The following CNOT2 variants were observed in gnomAD, a reference collection of about 807,000 sequenced individuals.
The protein encoded by CNOT2 is CCR4-NOT transcription complex subunit 2, also known as CC chemokine receptor 4-negative regulator of transcription 2.
A neutral mutation model predicts 72.1 loss-of-function variants in CNOT2; 7 were observed. That is an observed-to-expected ratio of 0.10 (90% CI 0.06 to 0.18). The LOEUF (loss-of-function observed/expected upper bound fraction) is 0.18. CNOT2 is among the 10% of genes least tolerant of loss of function. The pLI, the probability that CNOT2 is intolerant of heterozygous loss-of-function variation, is 1.00. For missense variants in CNOT2, 345 were observed against 660.3 expected (o/e 0.52, Z 5.23); for synonymous variants, 196 against 225.6 (o/e 0.87, Z 1.17).
intron 2 of CNOT2, chr12:70,294,375 A>G: frequency 1.1e-6 from 1 of 886,064 alleles, no homozygotes; most frequent in Non-Finnish European, 1.6e-6. Flanking sequence ...CCATTTTATC[A>G]ATGAGTCATT....
intron 1 of CNOT2, among the ~76,000 whole-genome samples, chr12:70,256,209 A>G (rs1263135355): frequency 6.6e-6 from 1 of 152,180 alleles, no homozygotes; most frequent in Non-Finnish European, 1.5e-5. Flanking sequence ...AAATATCAAG[A>G]CAAGGCAAAG....
intron 15 of CNOT2, among the ~76,000 whole-genome samples, chr12:70,348,204 A>G (rs954068809): frequency 1.3e-5 from 2 of 152,204 alleles, no homozygotes; most frequent in Non-Finnish European, 2.9e-5. Flanking sequence ...CATCGTTATT[A>G]TAGCTACTGT....
chr12:70,291,719 C>T (rs753913829), intron 2 of CNOT2, among the ~76,000 whole-genome samples: 1 of 152,186 alleles, frequency 6.6e-6, no homozygotes, highest in Non-Finnish European at 1.5e-5. Context: ...GGGCAGATCA[C>T]CAGGTCAGGA....
chr12:70,311,758 CTTT>C (rs527551639), intron 3 of CNOT2, among the ~76,000 whole-genome samples: 1 of 151,914 alleles, frequency 6.6e-6, no homozygotes, highest in Non-Finnish European at 1.5e-5. Context: ...ACCTGCCCAG[CTTT>C]TTTTACCTTT....
At chr12:70,328,841 T>C in intron 4 of CNOT2, among the ~76,000 whole-genome samples, 1 of 152,028 alleles carries the variant, frequency 6.6e-6, no homozygotes, top group South Asian at 2.1e-4. Flanking sequence ...TTGTCTTTTA[T>C]AGCTATATCA....
rs1881869798 is a variant in CNOT2 at position 70,344,205 on chromosome 12, A to G, written c.1368A>G (p.Leu456=). 6.2e-7 allele frequency: 1 copy of G among 1,611,426 alleles called. No homozygotes were observed. The highest frequency in any genetic ancestry group is 8.5e-7 in the Non-Finnish European group (1 of 1,177,700). The change falls in exon 14 of 16, where the codon TTA becomes TTG. Residue 456 remains leucine (L), a synonymous_variant. Transcript: ENST00000229195. The part of the protein sequence containing the change: ...YLYYMNGGDV[L]QLLAAVELFN... ...ATTACATGAATGGAGGAGACGTATTACAACTTTTAGCTGCAGTGGAGCTGT... is the reference window on the plus strand; with the variant it reads ...ATTACATGAATGGAGGAGACGTATTGCAACTTTTAGCTGCAGTGGAGCTGT...
intron 1 of CNOT2, among the ~76,000 whole-genome samples, chr12:70,266,584 G>A (rs1314115875): frequency 6.6e-6 from 1 of 152,102 alleles, no homozygotes; most frequent in Admixed American, 6.5e-5. Flanking sequence ...TCTCCTTTCA[G>A]GCTTATTAGT....
At chr12:70,243,601 C>T (rs1957678916) in intron 1 of CNOT2, 121 bp downstream of exon 1, 2 of 151,846 alleles carry the variant, frequency 1.3e-5, no homozygotes, top group Admixed American at 1.3e-4. Context: ...CCAGGGTCCG[C>T]CGGTAGCGTC....
chr12:70,248,431 T>G (rs1957988812), intron 1 of CNOT2, among the ~76,000 whole-genome samples: 1 of 152,158 alleles, frequency 6.6e-6, no homozygotes, highest in African/African-American at 2.4e-5. Context: ...GTGAATTTGA[T>G]TATTATTATC....
chr12:70,282,263 G>A (rs912698998), intron 2 of CNOT2, among the ~76,000 whole-genome samples: 10 of 152,190 alleles, frequency 6.6e-5, no homozygotes, highest in African/African-American at 2.4e-4. Flanking sequence ...TGAGGTCATT[G>A]GTCACATCAT....
At chr12:70,315,770 CTTG>C (rs1393406639) in intron 3 of CNOT2, among the ~76,000 whole-genome samples, 5 of 152,228 alleles carry the variant, frequency 3.3e-5, no homozygotes, top group African/African-American at 1.2e-4. Flanking sequence ...TGTGCTGTAA[CTTG>C]TTGTTTTCAG....
At chr12:70,346,608 A>T (rs1298685264) in intron 15 of CNOT2, 2 of 231,600 alleles carry the variant, frequency 8.6e-6, no homozygotes. Context: ...TAAAATAAAG[A>T]TACTCTCTTG....
chr12:70,307,197 A>T (rs1018578096), intron 2 of CNOT2, among the ~76,000 whole-genome samples: 1 of 152,070 alleles, frequency 6.6e-6, no homozygotes, highest in East Asian at 1.9e-4. Flanking sequence ...TTATTTAAAA[A>T]TTTTCATTCT....
In CNOT2 at chr12:70,344,119, CT is replaced by C; in HGVS notation, c.1291-4del. On this transcript the variant is annotated splice_polypyrimidine_tract_variant and splice_region_variant and intron_variant, in intron 13 of 15. Coordinates refer to ENST00000229195, the MANE Select transcript of CNOT2 (RefSeq NM_014515.7). ...TTATATTTCAGAATAAGTTATTTTTCTTTTTCAGCTGGCTGCAATAAAACTT... is the reference window on the plus strand; with the variant it reads ...TTATATTTCAGAATAAGTTATTTTTCTTTTCAGCTGGCTGCAATAAAACTT... The C allele has an allele frequency of 6.3e-7, 1 of 1,577,856 alleles. No homozygotes were observed. Among genetic ancestry groups the C allele is most frequent in the Non-Finnish European group, 8.6e-7 (1 of 1,158,134 alleles).
At chr12:70,341,913 G>A (rs1487610296) in intron 11 of CNOT2, 194 bp from the exon 12 acceptor site, 1 of 607,662 alleles carries the variant, frequency 1.6e-6, no homozygotes, top group Non-Finnish European at 2.9e-6. Flanking sequence ...GAGGGAAGGA[G>A]TCCTATCATA....
intron 2 of CNOT2, among the ~76,000 whole-genome samples, chr12:70,302,622 T>A (rs1393707836): frequency 2.6e-5 from 4 of 152,148 alleles, no homozygotes; most frequent in African/African-American, 4.8e-5. Context: ...TGCTGAGGAG[T>A]GCTTTACTTC....
chr12:70,248,172 C>T (rs1593017311), intron 1 of CNOT2, among the ~76,000 whole-genome samples: 1 of 152,138 alleles, frequency 6.6e-6, no homozygotes, highest in East Asian at 1.9e-4. Context: ...AGTACTTACC[C>T]ATGAGCTCAT....
chr12:70,270,899 G>A (rs749655634), intron 1 of CNOT2, among the ~76,000 whole-genome samples: 1 of 152,046 alleles, frequency 6.6e-6, no homozygotes, highest in South Asian at 2.1e-4. Flanking sequence ...GAAAAGCACG[G>A]TGAATGGTTC....
intron 1 of CNOT2, among the ~76,000 whole-genome samples, chr12:70,266,361 G>C (rs922549226): frequency 6.6e-6 from 1 of 152,128 alleles, no homozygotes. Context: ...GACCTCAGGT[G>C]ATCCGCCCAC....
Sources: allele counts gnomAD v4.1 joint callset (sites outside exome capture counted in the v4.1 genomes callset), GRCh38; gene constraint gnomAD v4.1.1; transcripts MANE v1.5; gene names NCBI Gene and HGNC (gene_info 2026-07-23, HGNC 2026-07-21).